SHTN1: variants seen among roughly 807,000 people sequenced by gnomAD.
SHTN1 encodes the protein shootin 1, also known as shootin-1.
A neutral mutation model predicts 83.1 loss-of-function variants in SHTN1; 42 were observed. The observed-to-expected ratio is 0.51, with a 90% CI of 0.39 to 0.65. SHTN1 has a LOEUF of 0.65. Among genes scored for constraint, SHTN1 ranks in the 30% least tolerant of loss-of-function variants. The pLI is 0.00. For synonymous variants in SHTN1, 224 were observed against 247.7 expected, an observed-to-expected ratio of 0.90 and a Z score of 0.90; for missense variants, 622 against 737.8, an observed-to-expected ratio of 0.84 and a Z score of 1.82.
intron 1 of SHTN1, among the ~76,000 whole-genome samples, chr10:117,121,615 T>C (rs1024595233): frequency 2.0e-5 from 3 of 151,984 alleles, no homozygotes; most frequent in Admixed American, 6.6e-5. Context: ...ATGTTTTATA[T>C]ACAGTCATAC....
At position 116,882,277 on chromosome 10, in the gene SHTN1, C is replaced by T. The variant is rs1382236066; in HGVS notation, c.*4067G>A. 6.6e-6 allele frequency: 1 copy of T among 151,628 alleles called. No individual in the cohort carries two copies. The highest frequency in any genetic ancestry group is 1.5e-5 in the Non-Finnish European group (1 of 67,970). 9.4% of individuals were successfully genotyped at this position (151,628 alleles called of 1,614,324 possible). ...TTTATCTTTGCGAGTCTTCTTAGAT[C>T]CTTTTTGGAGTAAGAATGAGTATAA... On this transcript the variant is annotated 3_prime_UTR_variant, in exon 17 of 17. Transcript: ENST00000355371.
chr10:117,007,678 ATTGT>A (rs563523107), upstream of SHTN1, among the ~76,000 whole-genome samples: 55 of 151,480 alleles, frequency 3.6e-4, no homozygotes, highest in African/African-American at 1.3e-3. Flanking sequence ...CCATTACACT[ATTGT>A]TTATTTATAT....
chr10:116,956,775 G>T (rs1849993124), intron 4 of SHTN1, among the ~76,000 whole-genome samples: 1 of 151,934 alleles, frequency 6.6e-6, no homozygotes, highest in South Asian at 2.1e-4. Context: ...CCACCAGTTT[G>T]TCTGCAATAC....
intron 9 of SHTN1, among the ~76,000 whole-genome samples, chr10:116,933,019 G>C (rs1294600817): frequency 1.3e-5 from 2 of 152,000 alleles, no homozygotes; most frequent in Non-Finnish European, 2.9e-5. Context: ...TCTTGAAAAG[G>C]TAATTCCTAC....
chr10:116,930,750 T>C (rs923382910), intron 9 of SHTN1, among the ~76,000 whole-genome samples: 8 of 152,326 alleles, frequency 5.3e-5, no homozygotes, highest in Non-Finnish European at 8.8e-5. Context: ...TATCCAATAA[T>C]GGGACTGTTG....
intron 11 of SHTN1, among the ~76,000 whole-genome samples, chr10:116,923,888 T>TA (rs1192144656): frequency 6.6e-6 from 1 of 152,210 alleles, no homozygotes; most frequent in African/African-American, 2.4e-5. Context: ...AGCTTTTTTT[T>TA]ACTTTTCACT....
chr10:117,100,494 GTCACT>G (rs1853574435), intron 1 of SHTN1, among the ~76,000 whole-genome samples: 1 of 152,132 alleles, frequency 6.6e-6, no homozygotes, highest in Admixed American at 6.6e-5. Context: ...CCTGACAGTA[GTCACT>G]TCAAGTTGAA....
chr10:117,020,837 G>A (rs1852250314), intron 2 of SHTN1, among the ~76,000 whole-genome samples: 1 of 152,080 alleles, frequency 6.6e-6, no homozygotes, highest in African/African-American at 2.4e-5. Flanking sequence ...AGTTTTGCTC[G>A]TGACATCATT....
chr10:116,923,711 T>C (rs894375960), intron 11 of SHTN1, among the ~76,000 whole-genome samples: 36 of 151,978 alleles, frequency 2.4e-4, no homozygotes, highest in Non-Finnish European at 4.3e-4. Context: ...ACACCACCAC[T>C]CCTGGTTAAT....
chr10:117,123,995 T>G (rs956461308), intron 1 of SHTN1, among the ~76,000 whole-genome samples: 1 of 151,638 alleles, frequency 6.6e-6, no homozygotes, highest in Non-Finnish European at 1.5e-5. Context: ...GAGGATTGCT[T>G]GAGTCTAGAA....
In SHTN1 at chr10:116,908,007, C is replaced by CA. The variant is rs375771157; in HGVS notation, c.1360-1261dup. 4.4e-4 allele frequency: 200 copies of CA among 450,692 alleles called. 1 individual carries two copies. Among genetic ancestry groups the CA allele is most frequent in the Admixed American group, 2.8e-3 (111 of 39,426 alleles). 27.9% of individuals were successfully genotyped at this position (450,692 alleles called of 1,614,324 possible). A position where few individuals can be genotyped will look rare whatever the true frequency, so the allele number is the denominator to read the frequency against. ...CTTGTTTCTTCTTTAGCATGTAAAA[C>CA]AAAAAAAAGGTGCTTGTAAAATCAG... On this transcript the variant is annotated intron_variant, in intron 14 of 16. Transcript: ENST00000355371.
At chr10:117,073,823 T>C (rs1184283647) in intron 1 of SHTN1, among the ~76,000 whole-genome samples, 1 of 152,198 alleles carries the variant, frequency 6.6e-6, no homozygotes, top group Non-Finnish European at 1.5e-5. Flanking sequence ...GCCAGTTCAA[T>C]GGATGGCTTT....
chr10:116,953,352 C>CTTGACATATAGTACATATCCTTAAGG, intron 5 of SHTN1, among the ~76,000 whole-genome samples: 1 of 152,228 alleles, frequency 6.6e-6, no homozygotes, highest in Non-Finnish European at 1.5e-5. Context: ...ACAAAAATAT[C>CTTGACATATAGTACATATCCTTAAGG]TTGACATATA....
Position 117,044,132 on chromosome 10 carries a change from GTAAGTAT to G in SHTN1, c.-123+4306_-123+4312del, listed in dbSNP as rs1852627374. On this transcript the variant is annotated intron_variant, in intron 2 of 17. Coordinates refer to the SHTN1 transcript ENST00000392901. ...ATTTTCATTCAAGTATAGCAATAAAGTAAGTATTTTTCTCTTCCTCCAACCTCTCCAC... is the reference window on the plus strand; with the variant it reads ...ATTTTCATTCAAGTATAGCAATAAAGTTTTCTCTTCCTCCAACCTCTCCAC... 2.0e-5 allele frequency among the ~76,000 whole-genome samples: 3 copies of G among 152,022 alleles called. No individual in the cohort carries two copies. The South Asian group carries it at 6.2e-4, about 31-fold the overall frequency.
chr10:116,907,618 C>T (rs531079188), intron 14 of SHTN1, among the ~76,000 whole-genome samples: 2 of 152,288 alleles, frequency 1.3e-5, no homozygotes, highest in African/African-American at 2.4e-5. Context: ...CTCAGTGATA[C>T]ATAAGGATTT....
intron 9 of SHTN1, among the ~76,000 whole-genome samples, chr10:116,933,507 T>C (rs1849044308): frequency 6.6e-6 from 1 of 152,238 alleles, no homozygotes; most frequent in African/African-American, 2.4e-5. Flanking sequence ...GCATCCTTTT[T>C]TATGGCTGTG....
At chr10:117,116,344 A>G (rs1853847252) in intron 1 of SHTN1, among the ~76,000 whole-genome samples, 1 of 152,162 alleles carries the variant, frequency 6.6e-6, no homozygotes, top group South Asian at 2.1e-4. Flanking sequence ...GGACACATGC[A>G]ACCTACCAAG....
intron 12 of SHTN1, among the ~76,000 whole-genome samples, chr10:116,917,849 A>T (rs1848430686): frequency 6.6e-6 from 1 of 152,192 alleles, no homozygotes; most frequent in Admixed American, 6.5e-5. Flanking sequence ...TTTCAAATGT[A>T]AAGGCTTAAT....
chr10:116,888,684 G>A (rs1847239406), intron 16 of SHTN1, among the ~76,000 whole-genome samples: 1 of 152,220 alleles, frequency 6.6e-6, no homozygotes, highest in Non-Finnish European at 1.5e-5. Context: ...GGGAGCTGGA[G>A]AAACTGTGGG....
Sources: allele counts gnomAD v4.1 joint callset (sites outside exome capture counted in the v4.1 genomes callset), GRCh38; gene constraint gnomAD v4.1.1; transcripts MANE v1.5; gene names NCBI Gene and HGNC (gene_info 2026-07-23, HGNC 2026-07-21).